EGLN1: variants seen among roughly 807,000 people sequenced by gnomAD.
The protein encoded by EGLN1 is egl-9 family hypoxia inducible factor 1, also known as egl nine homolog 1.
In EGLN1, 17 loss-of-function variants were observed where a neutral mutation model predicts 38.3. That is an observed-to-expected ratio of 0.44 (90% CI 0.30 to 0.67). EGLN1 has a LOEUF of 0.67. EGLN1 is among the 30% of genes least tolerant of loss of function. The pLI is 0.08. For synonymous variants in EGLN1, 283 were observed against 257.5 expected (o/e 1.10, Z -0.95); for missense variants, 477 against 603.3 (o/e 0.79, Z 2.19).
At chr1:231,390,924 C>T (rs1379552181) in intron 1 of EGLN1, among the ~76,000 whole-genome samples, 1 of 151,828 alleles carries the variant, frequency 6.6e-6, no homozygotes, top group Non-Finnish European at 1.5e-5. Flanking sequence ...CATAGCTCAC[C>T]GCAACGTCAA....
intron 1 of EGLN1, among the ~76,000 whole-genome samples, chr1:231,406,834 C>A (rs930166488): frequency 6.6e-6 from 1 of 152,028 alleles, no homozygotes; most frequent in Non-Finnish European, 1.5e-5. Flanking sequence ...AGTTGTGAGA[C>A]GCTAGCTTAT....
chr1:231,402,609 A>T (rs1688691315), intron 1 of EGLN1, among the ~76,000 whole-genome samples: 1 of 151,768 alleles, frequency 6.6e-6, no homozygotes, highest in Non-Finnish European at 1.5e-5. Context: ...TAATTTTTGT[A>T]TTTTTAGTAG....
At chr1:231,391,871 T>C (rs1022749024) in intron 1 of EGLN1, among the ~76,000 whole-genome samples, 6 of 151,912 alleles carry the variant, frequency 3.9e-5, no homozygotes, top group African/African-American at 1.5e-4. Flanking sequence ...TCTACAGATA[T>C]ACTAAAAATG....
chr1:231,392,214 G>A (rs1688408971), intron 1 of EGLN1, among the ~76,000 whole-genome samples: 1 of 152,152 alleles, frequency 6.6e-6, no homozygotes. Flanking sequence ...GTGAACCTGG[G>A]AGGTGGAGCT....
intron 1 of EGLN1, among the ~76,000 whole-genome samples, chr1:231,408,971 TA>T (rs941060687): frequency 3.4e-5 from 5 of 148,898 alleles, no homozygotes; most frequent in African/African-American, 5.0e-5. Flanking sequence ...ATGTTCTTTA[TA>T]AAAAAGTAGC....
intron 1 of EGLN1, among the ~76,000 whole-genome samples, chr1:231,385,557 T>A (rs1468048848): frequency 6.6e-6 from 1 of 152,132 alleles, no homozygotes; most frequent in African/African-American, 2.4e-5. Context: ...GAACCTGACG[T>A]GTGAGTCAAG....
chr1:231,414,460 C>G (rs1247345208), intron 1 of EGLN1, among the ~76,000 whole-genome samples: 1 of 152,150 alleles, frequency 6.6e-6, no homozygotes, highest in East Asian at 1.9e-4. Flanking sequence ...AACTGTCACT[C>G]AGAAACACAG....
intron 1 of EGLN1, among the ~76,000 whole-genome samples, chr1:231,393,373 TA>T (rs141040936): frequency 0.015 from 2,292 of 152,272 alleles, 57 homozygotes; most frequent in African/African-American, 0.053. Flanking sequence ...GCTGGTGACC[TA>T]AAATATAGTA....
chr1:231,412,718 A>T (rs1688985049), intron 1 of EGLN1, among the ~76,000 whole-genome samples: 1 of 152,228 alleles, frequency 6.6e-6, no homozygotes, highest in Non-Finnish European at 1.5e-5. Flanking sequence ...AATTTGAAGG[A>T]ATGTGAAAAT....
intron 1 of EGLN1, among the ~76,000 whole-genome samples, chr1:231,409,698 T>C (rs1418814896): frequency 1.3e-5 from 2 of 152,156 alleles, no homozygotes; most frequent in African/African-American, 2.4e-5. Flanking sequence ...CTTTAACAAA[T>C]CCTAATAGCT....
At chr1:231,411,662 C>T (rs1273774310) in intron 1 of EGLN1, among the ~76,000 whole-genome samples, 1 of 152,070 alleles carries the variant, frequency 6.6e-6, no homozygotes, top group Non-Finnish European at 1.5e-5. Flanking sequence ...TTGTGACCCT[C>T]TCTCACTTTA....
intron 1 of EGLN1, among the ~76,000 whole-genome samples, chr1:231,398,332 T>C (rs987517586): frequency 2.0e-5 from 2 of 102,396 alleles, no homozygotes; most frequent in African/African-American, 5.4e-5. Context: ...CCAACATCTT[T>C]TTCTTTTTTT....
At chr1:231,404,363 C>T (rs1356461149) in intron 1 of EGLN1, among the ~76,000 whole-genome samples, 1 of 152,070 alleles carries the variant, frequency 6.6e-6, no homozygotes, top group Non-Finnish European at 1.5e-5. Flanking sequence ...AAATAAATAA[C>T]TTTTATTATT....
At chr1:231,371,015 G>A (rs1030736025) in intron 2 of EGLN1, among the ~76,000 whole-genome samples, 21 of 152,146 alleles carry the variant, frequency 1.4e-4, no homozygotes, top group Admixed American at 3.3e-4. Flanking sequence ...TCAGCATCGC[G>A]AGTAGCTGGG....
At chr1:231,388,012 T>C (rs1688265222) in intron 1 of EGLN1, among the ~76,000 whole-genome samples, 1 of 152,240 alleles carries the variant, frequency 6.6e-6, no homozygotes, top group African/African-American at 2.4e-5. Context: ...AATATCATTG[T>C]ATGTAAATCT....
intron 1 of EGLN1, among the ~76,000 whole-genome samples, chr1:231,392,172 A>C (rs2102916858): frequency 6.6e-6 from 1 of 152,286 alleles, no homozygotes; most frequent in African/African-American, 2.4e-5. Flanking sequence ...CTGTAGTCCC[A>C]GCTACTTGGG....
chr1:231,421,253 G>C lies in EGLN1; in HGVS notation c.636C>G (p.Asp212Glu). The C allele has an allele frequency of 6.2e-7, 1 of 1,613,846 alleles. No homozygotes were observed. The highest frequency in any genetic ancestry group is 2.2e-5 in the East Asian group (1 of 44,860). ...GCTGTCCGGTCTCCTTGCCGAGGAAGTCGTCCACCACACAGATGCCGTGCT... is the reference window on the plus strand; with the variant it reads ...GCTGTCCGGTCTCCTTGCCGAGGAACTCGTCCACCACACAGATGCCGTGCT... ...MNKHGICVVD[D>E]FLGKETGQQI... is the part of the protein sequence containing the mutation. The change falls in exon 1 of 5, where the codon GAC becomes GAG. Residue 212 changes from aspartate to glutamate, a missense_variant. Physicochemically the swap from Asp to Glu is conservative, Grantham distance 45. Coordinates refer to ENST00000366641, the MANE Select transcript of EGLN1 (RefSeq NM_022051.3). This position sits in a 1 kb window ranked among gnomAD's most constrained non-coding sequence, Gnocchi z 5.5.
intron 1 of EGLN1, among the ~76,000 whole-genome samples, chr1:231,392,622 TG>T: frequency 6.6e-6 from 1 of 152,314 alleles, no homozygotes; most frequent in African/African-American, 2.4e-5. Flanking sequence ...TAGCTGTATT[TG>T]GAAATAATGA....
chr1:231,384,879 C>T (rs202226516), intron 1 of EGLN1, among the ~76,000 whole-genome samples: 2 of 152,162 alleles, frequency 1.3e-5, no homozygotes, highest in African/African-American at 2.4e-5. Context: ...TGACAGAGAC[C>T]GTGCAGGCCA....
Sources: gnomAD v4.1 joint callset for allele counts (sites outside exome capture counted in the v4.1 genomes callset) on GRCh38, gnomAD v4.1.1 for gene constraint, Gnocchi (gnomAD v3.1) non-coding constraint, MANE v1.5 for transcripts, NCBI Gene and HGNC (gene_info 2026-07-23, HGNC 2026-07-21) for gene names.